Variants in ZDHHC13 observed in about 807,000 individuals in gnomAD.
The protein encoded by ZDHHC13 is palmitoyltransferase ZDHHC13.
In ZDHHC13, 85 loss-of-function variants were observed where a neutral mutation model predicts 86.0. That is an observed-to-expected ratio of 0.99 (90% CI 0.83 to 1.18). The LOEUF (loss-of-function observed/expected upper bound fraction) is 1.18. Ranked by LOEUF, ZDHHC13 falls within the 50% of genes most tolerant of loss-of-function variation. ZDHHC13 has a pLI of 0.00. For missense variants in ZDHHC13, 711 were observed against 730.2 expected (o/e 0.97, Z 0.30); for synonymous variants, 263 against 246.4 (o/e 1.07, Z -0.63).
intron 7 of ZDHHC13, 59 bp from the exon 8 acceptor site, chr11:19,152,500 T>C (rs546882218): frequency 1.3e-6 from 2 of 1,495,958 alleles, no homozygotes; most frequent in South Asian, 2.7e-5. Flanking sequence ...TTAAAAAAAG[T>C]TTAGCACTCA....
In ZDHHC13 at chr11:19,139,601, C is replaced by T. The variant is rs1403345090; in HGVS notation, c.28-3377C>T. On this transcript the variant is annotated intron_variant, in intron 1 of 16. Coordinates refer to ENST00000446113, the MANE Select transcript of ZDHHC13 (RefSeq NM_019028.3). ...TATGGAACCAAAAAAGAGCCCGCAT[C>T]GCCAAGTCAATCCTAAGCCAAAAGA... is the stretch of plus-strand genomic sequence containing the variant. Among the ~76,000 whole-genome samples, 46 of 150,050 alleles carry T rather than the reference C, an allele frequency of 3.1e-4. No homozygotes were observed. In the South Asian group the frequency reaches 5.6e-3, roughly 18 times the overall value.
intron 1 of ZDHHC13, among the ~76,000 whole-genome samples, chr11:19,124,089 G>A (rs1848816264): frequency 6.6e-6 from 1 of 152,038 alleles, no homozygotes; most frequent in Non-Finnish European, 1.5e-5. Flanking sequence ...GTATAGATAT[G>A]AAAGGCTGAA....
chr11:19,165,279 A>T (rs2042687), intron 13 of ZDHHC13, 134 bp downstream of exon 13: 478,122 of 742,518 alleles, frequency 0.64, 158,451 homozygotes, highest in Admixed American at 0.73. Context: ...GGGCCCATGC[A>T]TCGTTATTAT....
intron 10 of ZDHHC13, 30 bp from the exon 11 acceptor site, chr11:19,163,273 G>A: frequency 6.4e-7 from 1 of 1,555,688 alleles, no homozygotes; most frequent in Non-Finnish European, 8.6e-7. Context: ...TTTAAAGGAA[G>A]TTTGGTGTAT....
At chr11:19,131,936 A>C (rs1482944663) in intron 1 of ZDHHC13, among the ~76,000 whole-genome samples, 4 of 152,102 alleles carry the variant, frequency 2.6e-5, no homozygotes, top group Non-Finnish European at 5.9e-5. Flanking sequence ...ATCCGCAGAT[A>C]CTCTAACCTG....
At chr11:19,164,176 C>A in intron 11 of ZDHHC13, 125 bp from the exon 12 acceptor site, 3 of 857,114 alleles carry the variant, frequency 3.5e-6, no homozygotes, top group Non-Finnish European at 5.3e-6. Context: ...GATTTGGTGG[C>A]AAGTATTCCA....
At position 19,170,483 on chromosome 11, in the gene ZDHHC13, G is replaced by T. The variant is rs973595712; in HGVS notation, c.1547G>T (p.Cys516Phe). Reference sequence around the variant, plus strand: ...ACTTACCTCAATCAGATTGTGGCCTGTTCCCCTTGGGTTTTATATATCTTG... The same window carrying T: ...ACTTACCTCAATCAGATTGTGGCCTTTTCCCCTTGGGTTTTATATATCTTG... ...LWTYLNQIVA[C>F]SPWVLYILML... The change falls in exon 15 of 17, where the codon TGT becomes TTT. Residue 516 changes from cysteine (C) to phenylalanine (F), a missense_variant. Physicochemically the swap from Cys to Phe is radical, Grantham distance 205 (BLOSUM62 -2). Coordinates refer to ENST00000446113, the MANE Select transcript of ZDHHC13 (RefSeq NM_019028.3). 1 of 1,528,826 alleles carries T rather than the reference G, an allele frequency of 6.5e-7. No individual in the cohort carries two copies. The highest frequency in any genetic ancestry group is 8.8e-7 in the Non-Finnish European group (1 of 1,140,424). The allele number at this position is 1,528,826 out of a possible 1,614,324, so 94.7% of individuals were successfully genotyped here.
intron 1 of ZDHHC13, among the ~76,000 whole-genome samples, chr11:19,126,052 G>A (rs1371461284): frequency 6.6e-6 from 1 of 152,126 alleles, no homozygotes; most frequent in Non-Finnish European, 1.5e-5. Flanking sequence ...TTTAAAAACA[G>A]TGCCCCTTCA....
intron 6 of ZDHHC13, among the ~76,000 whole-genome samples, chr11:19,151,445 TGTTA>T (rs1250952549): frequency 6.6e-6 from 1 of 151,996 alleles, no homozygotes; most frequent in African/African-American, 2.4e-5. Flanking sequence ...CTAGGAACTG[TGTTA>T]GTTCTAATGC....
chr11:19,122,018 G>A (rs1346855365), intron 1 of ZDHHC13, among the ~76,000 whole-genome samples: 1 of 152,130 alleles, frequency 6.6e-6, no homozygotes, highest in Non-Finnish European at 1.5e-5. Flanking sequence ...GAGACTCAAG[G>A]TTACCTGTCT....
intron 1 of ZDHHC13, among the ~76,000 whole-genome samples, chr11:19,138,865 C>G (rs546392198): frequency 1.8e-4 from 27 of 151,938 alleles, no homozygotes; most frequent in South Asian, 1.5e-3. Flanking sequence ...ATTCAACAAC[C>G]CTTCATGCTA....
intron 1 of ZDHHC13, among the ~76,000 whole-genome samples, chr11:19,141,690 T>G (rs1377103613): frequency 6.6e-6 from 1 of 151,154 alleles, no homozygotes. Context: ...TTTTTTTTTT[T>G]AACATTAGCG....
At chr11:19,173,180 G>T (rs924581561) in intron 16 of ZDHHC13, among the ~76,000 whole-genome samples, 1 of 152,162 alleles carries the variant, frequency 6.6e-6, no homozygotes, top group African/African-American at 2.4e-5. Context: ...GCCACAGGGT[G>T]CTCTGTAGAG....
At chr11:19,124,478 A>G (rs753175116) in intron 1 of ZDHHC13, among the ~76,000 whole-genome samples, 31 of 152,168 alleles carry the variant, frequency 2.0e-4, no homozygotes, top group Non-Finnish European at 3.5e-4. Context: ...TAAAATTAAT[A>G]TGTTATCATT....
chr11:19,156,184 T>C (rs1044414176), intron 9 of ZDHHC13, among the ~76,000 whole-genome samples: 1 of 152,214 alleles, frequency 6.6e-6, no homozygotes, highest in African/African-American at 2.4e-5. Context: ...GTTTTAATTG[T>C]TATTTTTGGT....
chr11:19,140,646 G>A (rs1330941135), intron 1 of ZDHHC13, among the ~76,000 whole-genome samples: 1 of 152,060 alleles, frequency 6.6e-6, no homozygotes, highest in Non-Finnish European at 1.5e-5. Context: ...ATTCACAATA[G>A]TGAAGACTTG....
chr11:19,142,294 C>T (rs181998306), intron 1 of ZDHHC13, among the ~76,000 whole-genome samples: 2 of 152,178 alleles, frequency 1.3e-5, no homozygotes, highest in African/African-American at 4.8e-5. Flanking sequence ...CTCTCACAGG[C>T]CCTCGCATAT....
chr11:19,133,407 A>G (rs1335269189), intron 1 of ZDHHC13, among the ~76,000 whole-genome samples: 5 of 144,792 alleles, frequency 3.5e-5, no homozygotes, highest in Non-Finnish European at 6.0e-5. Flanking sequence ...ACACACACAC[A>G]TATATATATA....
chr11:19,123,400 AAGGATAACTTGAGGTC>A (rs1848798104), intron 1 of ZDHHC13, among the ~76,000 whole-genome samples: 1 of 151,990 alleles, frequency 6.6e-6, no homozygotes, highest in Non-Finnish European at 1.5e-5. Flanking sequence ...GCCAAGACGG[AAGGATAACTTGAGGTC>A]AGGAGTTTAA....
Sources: allele counts gnomAD v4.1 joint callset (sites outside exome capture counted in the v4.1 genomes callset), GRCh38; gene constraint gnomAD v4.1.1; transcripts MANE v1.5; gene names NCBI Gene and HGNC (gene_info 2026-07-23, HGNC 2026-07-21).